Variants in SPECC1L observed in about 807,000 individuals in gnomAD.
SPECC1L encodes cytospin-A.
Under a neutral mutation model 116.8 loss-of-function variants are expected in SPECC1L, and 40 were observed. The ratio of observed to expected loss-of-function variants is 0.34; its 90% confidence interval spans 0.27 to 0.45. The LOEUF (loss-of-function observed/expected upper bound fraction) is 0.45, where lower values mean the gene tolerates loss of function less well. Among genes scored for constraint, SPECC1L ranks in the 20% least tolerant of loss-of-function variants. The pLI is 1.00. For synonymous variants in SPECC1L, 504 were observed against 500.6 expected, an observed-to-expected ratio of 1.01 and a Z score of -0.09; for missense variants, 1,110 against 1,373.6, an observed-to-expected ratio of 0.81 and a Z score of 3.03.
At chr22:24,341,992 A>G (rs987727367) in intron 10 of SPECC1L, among the ~76,000 whole-genome samples, 2 of 152,224 alleles carry the variant, frequency 1.3e-5, no homozygotes, top group African/African-American at 2.4e-5. Flanking sequence ...CTAGACCTTG[A>G]ACCAGAGGCA....
chr22:24,331,296 G>C (rs1338678484), intron 8 of SPECC1L, among the ~76,000 whole-genome samples: 2 of 152,122 alleles, frequency 1.3e-5, no homozygotes, highest in Non-Finnish European at 2.9e-5. Context: ...TTAAAAAATG[G>C]TCTTATCATT....
intron 10 of SPECC1L, among the ~76,000 whole-genome samples, chr22:24,345,128 T>G (rs1272793234): frequency 6.6e-6 from 1 of 152,166 alleles, no homozygotes; most frequent in East Asian, 1.9e-4. Flanking sequence ...TACTACCTGA[T>G]TTCAACATTA....
intron 14 of SPECC1L, among the ~76,000 whole-genome samples, chr22:24,397,733 C>T (rs2042395198): frequency 6.6e-6 from 1 of 152,090 alleles, no homozygotes; most frequent in Admixed American, 6.5e-5. Flanking sequence ...ATACTTTGCC[C>T]ATCCTGTCTG....
chr22:24,387,011 C>G (rs1317529037), intron 14 of SPECC1L, among the ~76,000 whole-genome samples: 1 of 152,030 alleles, frequency 6.6e-6, no homozygotes, highest in Admixed American at 6.6e-5. Context: ...CTGATAACAC[C>G]AAGTGTTGGC....
At chr22:24,327,296 A>AAAAAAAC (rs1556236761) in intron 6 of SPECC1L, among the ~76,000 whole-genome samples, 127 of 149,906 alleles carry the variant, frequency 8.5e-4, no homozygotes, top group Non-Finnish European at 1.4e-3. Context: ...AAAAAAAAAA[A>AAAAAAAC]AAAAAACATC....
intron 2 of SPECC1L, among the ~76,000 whole-genome samples, chr22:24,291,470 T>A (rs532885740): frequency 6.6e-6 from 1 of 152,100 alleles, no homozygotes; most frequent in East Asian, 1.9e-4. Flanking sequence ...GCTAATGTTG[T>A]TTGTTGACAT....
chr22:24,346,737 A>G (rs1187378927), intron 10 of SPECC1L, among the ~76,000 whole-genome samples: 1 of 152,162 alleles, frequency 6.6e-6, no homozygotes, highest in Non-Finnish European at 1.5e-5. Flanking sequence ...ATGACTATAT[A>G]AGATAATGAC....
At chr22:24,389,419 ACTT>A (rs2042223684) in intron 14 of SPECC1L, among the ~76,000 whole-genome samples, 1 of 151,682 alleles carries the variant, frequency 6.6e-6, no homozygotes, top group African/African-American at 2.4e-5. Context: ...GGCCAATAAT[ACTT>A]CTTAGTTTGT....
At chr22:24,291,022 T>A (rs2049146402) in intron 2 of SPECC1L, among the ~76,000 whole-genome samples, 2 of 152,060 alleles carry the variant, frequency 1.3e-5, no homozygotes, top group African/African-American at 4.8e-5. Context: ...ATAGTTTCCC[T>A]TGACTGTGTG....
intron 12 of SPECC1L, among the ~76,000 whole-genome samples, chr22:24,365,251 G>A (rs1425400224): frequency 1.3e-5 from 2 of 152,084 alleles, no homozygotes; most frequent in Non-Finnish European, 2.9e-5. Context: ...CAAGTGGTCT[G>A]CCTGCCTCGG....
intron 14 of SPECC1L, among the ~76,000 whole-genome samples, chr22:24,407,299 A>G (rs2042610526): frequency 6.6e-6 from 1 of 152,206 alleles, no homozygotes; most frequent in African/African-American, 2.4e-5. Context: ...TCACTGTGGC[A>G]TGCTTTGTAA....
At chr22:24,280,705 G>A (rs1456074315) in intron 2 of SPECC1L, among the ~76,000 whole-genome samples, 2 of 151,696 alleles carry the variant, frequency 1.3e-5, no homozygotes, top group Non-Finnish European at 2.9e-5. Context: ...AGCCTTCCAG[G>A]TAGCTGGGAC....
chr22:24,321,179 G>A (rs2040714138), intron 4 of SPECC1L, 109 bp from the exon 5 acceptor site: 4 of 1,206,850 alleles, frequency 3.3e-6, no homozygotes, highest in Non-Finnish European at 4.9e-6. Context: ...CTAAATCATT[G>A]TGTAGATCCT....
chr22:24,312,603 G>A (rs1218257699), intron 3 of SPECC1L, among the ~76,000 whole-genome samples: 9 of 151,860 alleles, frequency 5.9e-5, no homozygotes, highest in Non-Finnish European at 1.2e-4. Context: ...AAGTAAAAAC[G>A]TTTCTTCACT....
intron 2 of SPECC1L, among the ~76,000 whole-genome samples, chr22:24,290,885 T>C (rs915189386): frequency 2.6e-5 from 4 of 152,228 alleles, no homozygotes; most frequent in African/African-American, 9.6e-5. Flanking sequence ...AAACACTTCT[T>C]ACTGGGTTTC....
rs549982950 is a variant in SPECC1L, at chr22:24,391,863, GA to G, written c.3088-19721del. Among the ~76,000 whole-genome samples the G allele has an allele frequency of 3.3e-5, 5 of 152,280 alleles. No individual in the cohort carries two copies. In the East Asian group the frequency reaches 9.6e-4, roughly 29 times the overall value. ...ATTTAACTTCCACTAATGACATGGA[GA>G]AAACCTGCCGAATGTAATAAAATGG... On this transcript the variant is annotated intron_variant, in intron 14 of 16. Coordinates refer to ENST00000314328, the MANE Select transcript of SPECC1L (RefSeq NM_015330.6).
At chr22:24,331,509 A>G (rs185001092) in intron 8 of SPECC1L, among the ~76,000 whole-genome samples, 48 of 152,326 alleles carry the variant, frequency 3.2e-4, no homozygotes, top group African/African-American at 1.1e-3. Flanking sequence ...ATGAAATTCT[A>G]CTGTTAAAGT....
chr22:24,380,483 G>T (rs28659842), intron 14 of SPECC1L, among the ~76,000 whole-genome samples: 3,176 of 152,280 alleles, frequency 0.021, 63 homozygotes, highest in Non-Finnish European at 0.029. Flanking sequence ...TGAAGAAGCC[G>T]TCTAATCAAC....
chr22:24,321,196 C>T, intron 4 of SPECC1L, 92 bp from the exon 5 acceptor site: 2 of 1,281,664 alleles, frequency 1.6e-6, no homozygotes, highest in Non-Finnish European at 1.1e-6. Flanking sequence ...TCCTGGATTT[C>T]ATCTCATTAC....
Sources: gnomAD v4.1 joint callset for allele counts (sites outside exome capture counted in the v4.1 genomes callset) on GRCh38, gnomAD v4.1.1 for gene constraint, MANE v1.5 for transcripts, NCBI Gene and HGNC (gene_info 2026-07-23, HGNC 2026-07-21) for gene names.